The following B3GALT1 variants were observed in gnomAD, a reference collection of about 807,000 sequenced individuals.
B3GALT1 encodes the protein UDP-Gal:betaGlcNAc beta 1,3-galactosyltransferase, polypeptide 1.
In B3GALT1, 10 loss-of-function variants were observed where a neutral mutation model predicts 23.2. The observed-to-expected ratio is 0.43, with a 90% confidence interval of 0.27 to 0.73. The LOEUF (loss-of-function observed/expected upper bound fraction) is 0.73. B3GALT1 is among the 30% of genes least tolerant of loss of function. B3GALT1 has a pLI of 0.21. For missense variants in B3GALT1, 299 were observed against 405.4 expected (o/e 0.74, Z 2.25); for synonymous variants, 156 against 141.5 (o/e 1.10, Z -0.73).
At chr2:167,857,784 T>A (rs1308709444) in intron 4 of B3GALT1, among the ~76,000 whole-genome samples, 1 of 152,146 alleles carries the variant, frequency 6.6e-6, no homozygotes, top group Non-Finnish European at 1.5e-5. Flanking sequence ...TAAAACTATC[T>A]GTCATTGTCA....
intron 4 of B3GALT1, among the ~76,000 whole-genome samples, chr2:167,840,687 A>G (rs1689625397): frequency 6.6e-6 from 1 of 151,834 alleles, no homozygotes; most frequent in South Asian, 2.1e-4. Flanking sequence ...TATATACCCA[A>G]AGGATTATAA....
chr2:167,863,430 G>A (rs1024015551), intron 4 of B3GALT1, among the ~76,000 whole-genome samples: 5 of 152,216 alleles, frequency 3.3e-5, no homozygotes, highest in East Asian at 3.9e-4. Flanking sequence ...CCCTTTCCCC[G>A]GAAGCTCAGA....
chr2:167,714,930 G>C (rs1353676605), intron 3 of B3GALT1: 1 of 1,611,326 alleles, frequency 6.2e-7, no homozygotes, highest in Non-Finnish European at 8.5e-7. Context: ...AGTTTCTGTT[G>C]AAGCTTCTGA....
chr2:167,512,953 AT>A (rs1700048552), intron 2 of B3GALT1, among the ~76,000 whole-genome samples: 2 of 146,736 alleles, frequency 1.4e-5, no homozygotes, highest in South Asian at 4.2e-4. Flanking sequence ...TATATTTTAT[AT>A]TTATATATTA....
intron 1 of B3GALT1, among the ~76,000 whole-genome samples, chr2:167,319,833 T>C (rs1282318148): frequency 1.3e-5 from 2 of 152,148 alleles, no homozygotes; most frequent in African/African-American, 2.4e-5. Context: ...CTAAGCCTTT[T>C]GTTATGATTA....
intron 2 of B3GALT1, among the ~76,000 whole-genome samples, chr2:167,495,974 A>G (rs1162517034): frequency 6.6e-6 from 1 of 152,206 alleles, no homozygotes; most frequent in Non-Finnish European, 1.5e-5. Context: ...TATAGGTACA[A>G]TTTGCTTTTC....
intron 1 of B3GALT1, among the ~76,000 whole-genome samples, chr2:167,358,633 A>C (rs1697453844): frequency 2.1e-5 from 1 of 47,598 alleles, no homozygotes; most frequent in Non-Finnish European, 8.8e-5. Context: ...CTTATTAAGA[A>C]TCCTTTATTT....
At chr2:167,323,247 T>C (rs1696840655) in intron 1 of B3GALT1, among the ~76,000 whole-genome samples, 1 of 152,032 alleles carries the variant, frequency 6.6e-6, no homozygotes, top group South Asian at 2.1e-4. Context: ...TTTAAAAGTG[T>C]GAGTATATAC....
chr2:167,501,812 T>C (rs1322765277), intron 2 of B3GALT1, among the ~76,000 whole-genome samples: 1 of 151,624 alleles, frequency 6.6e-6, no homozygotes, highest in Non-Finnish European at 1.5e-5. Context: ...TATCTTGAAG[T>C]ACCTACTTGT....
intron 4 of B3GALT1, among the ~76,000 whole-genome samples, chr2:167,833,693 G>A (rs1352426671): frequency 6.6e-6 from 1 of 152,166 alleles, no homozygotes; most frequent in Non-Finnish European, 1.5e-5. Flanking sequence ...ACTATAAAAA[G>A]ATAATTGATT....
intron 3 of B3GALT1, among the ~76,000 whole-genome samples, chr2:167,759,288 G>T (rs1687865036): frequency 6.6e-6 from 1 of 152,120 alleles, no homozygotes; most frequent in Non-Finnish European, 1.5e-5. Flanking sequence ...ATCTTAACTT[G>T]CCTAGACTTC....
chr2:167,380,166 T>C (rs1375534898), intron 1 of B3GALT1, among the ~76,000 whole-genome samples: 1 of 151,880 alleles, frequency 6.6e-6, no homozygotes, highest in East Asian at 1.9e-4. Context: ...GTAGAGGGTG[T>C]CCCCCTGCAT....
At chr2:167,541,868 T>C (rs1683538551) in intron 2 of B3GALT1, among the ~76,000 whole-genome samples, 2 of 152,186 alleles carry the variant, frequency 1.3e-5, no homozygotes, top group Admixed American at 1.3e-4. Context: ...AGACAAATCA[T>C]CTAGTTGAAA....
At chr2:167,692,765 T>C in intron 3 of B3GALT1, among the ~76,000 whole-genome samples, 1 of 152,120 alleles carries the variant, frequency 6.6e-6, no homozygotes, top group Non-Finnish European at 1.5e-5. Flanking sequence ...CCAAGTGTCA[T>C]CTACTCAGTA....
chr2:167,392,497 A>G (rs1011691155), intron 1 of B3GALT1, among the ~76,000 whole-genome samples: 2 of 152,144 alleles, frequency 1.3e-5, no homozygotes, highest in Non-Finnish European at 2.9e-5. Context: ...CTCAATTGTA[A>G]TGGCTTTAGG....
intron 1 of B3GALT1, among the ~76,000 whole-genome samples, chr2:167,429,884 T>C (rs899946562): frequency 5.6e-4 from 86 of 152,378 alleles, no homozygotes; most frequent in African/African-American, 2.0e-3. Flanking sequence ...TCACGATCAT[T>C]TATTTAAAAT....
At chr2:167,707,168 A>G (rs772420102) in intron 3 of B3GALT1, among the ~76,000 whole-genome samples, 32 of 152,052 alleles carry the variant, frequency 2.1e-4, no homozygotes, top group Non-Finnish European at 3.5e-4. Context: ...TTGAGAGTGG[A>G]CTCTCCATGC....
chr2:167,805,135 G>A (rs1212833251), intron 3 of B3GALT1, among the ~76,000 whole-genome samples: 1 of 152,224 alleles, frequency 6.6e-6, no homozygotes, highest in Non-Finnish European at 1.5e-5. Context: ...CTTGTGAGAA[G>A]TGTCTGTTCA....
At chr2:167,327,219 T>C (rs1369787609) in intron 1 of B3GALT1, among the ~76,000 whole-genome samples, 1 of 152,146 alleles carries the variant, frequency 6.6e-6, no homozygotes, top group Non-Finnish European at 1.5e-5. Context: ...AAGACTGCTT[T>C]GGGCATTCTG....
Sources: gnomAD v4.1 joint callset for allele counts (sites outside exome capture counted in the v4.1 genomes callset) on GRCh38, gnomAD v4.1.1 for gene constraint, MANE v1.5 for transcripts, NCBI Gene and HGNC (gene_info 2026-07-23, HGNC 2026-07-21) for gene names.